AIFM2: variants seen among roughly 807,000 people sequenced by gnomAD.
AIFM2 encodes ferroptosis suppressor protein 1.
A neutral mutation model predicts 35.7 loss-of-function variants in AIFM2; 38 were observed. That is an observed-to-expected ratio of 1.06 (90% CI 0.82 to 1.39). The LOEUF is 1.39. Ranked by LOEUF, AIFM2 falls within the 40% of genes most tolerant of loss-of-function variation. The probability of loss-of-function intolerance (pLI) is 0.00; values close to 1 mark genes in which losing one functional copy is unlikely to be tolerated. For synonymous variants in AIFM2, 185 were observed against 203.5 expected (o/e 0.91, Z 0.77); for missense variants, 476 against 491.2 (o/e 0.97, Z 0.29).
chr10:70,118,058 A>G (rs955570218), intron 5 of AIFM2, 138 bp from the exon 6 acceptor site: 1 of 644,738 alleles, frequency 1.6e-6, no homozygotes, highest in African/African-American at 1.9e-5. Context: ...AATCTGTCCA[A>G]TGCCAGGACC....
At chr10:70,114,822 T>G in intron 8 of AIFM2, 98 bp downstream of exon 8, 1 of 1,381,418 alleles carries the variant, frequency 7.2e-7, no homozygotes, top group Non-Finnish European at 1.0e-6. Flanking sequence ...GCTTGGAGAG[T>G]TTGTTCTAGT....
Position 70,116,784 on chromosome 10 carries a change from G to A in AIFM2, c.617-10C>T. 1 of 1,613,300 alleles carries A rather than the reference G, an allele frequency of 6.2e-7. No individual in the cohort carries two copies. The highest frequency in any genetic ancestry group is 1.1e-5 in the South Asian group (1 of 91,064). The stretch of plus-strand genomic sequence containing the variant: ...TTGCTCACCCGCTCACCTAGAAGGG[G>A]GTTCATGACCAGGAGGCTGGTGGGG... On this transcript the variant is annotated splice_polypyrimidine_tract_variant and intron_variant, in intron 6 of 8. Coordinates refer to ENST00000307864, the MANE Select transcript of AIFM2 (RefSeq NM_032797.6).
chr10:70,118,338 C>G (rs183989457), intron 5 of AIFM2: 2 of 165,178 alleles, frequency 1.2e-5, no homozygotes. Flanking sequence ...CTGTCTGGGA[C>G]AACACAGGGA....
chr10:70,115,001 GA>G lies in AIFM2; in HGVS notation c.888del (p.Ala298ProfsTer16), dbSNP rs1442025666. 1.2e-6 allele frequency: 2 copies of G among 1,614,106 alleles called. No individual in the cohort carries two copies. The highest frequency in any genetic ancestry group is 4.5e-5 in the East Asian group (2 of 44,892). On this transcript the variant is annotated frameshift_variant, in exon 8 of 9. Transcript: ENST00000307864. LOFTEE classifies it high-confidence loss of function. Reference sequence around the variant, plus strand: ...GCGATGTTGGCGTGGAGGCCGGCAAGATAGGCCATCTTGGGCGTCCTCACGT... The same window carrying G: ...GCGATGTTGGCGTGGAGGCCGGCAAGTAGGCCATCTTGGGCGTCCTCACGT... ...CADVRTPKMA[Y>X]LAGLHANIAV...
At chr10:70,118,038 C>G (rs781236639) in intron 5 of AIFM2, 118 bp from the exon 6 acceptor site, 124 of 726,720 alleles carry the variant, frequency 1.7e-4, no homozygotes, top group Non-Finnish European at 2.7e-4. Flanking sequence ...AACTGAAGCT[C>G]CAGAGAAGTA....
rs1201939646 is a variant in AIFM2 at position 70,122,569 on chromosome 10, G to A, written c.294+836C>T. Among the ~76,000 whole-genome samples, 4 of 152,208 alleles carry A rather than the reference G, an allele frequency of 2.6e-5. No homozygotes were observed. In the East Asian group the frequency reaches 7.7e-4, roughly 29 times the overall value. On this transcript the variant is annotated intron_variant, in intron 3 of 8. Transcript: ENST00000307864. ...TCCATGATGCACATGTGAGGTGGGG[G>A]AACACACAAATGAGTGAAGGGAAAC...
At position 70,115,262 on chromosome 10, in the gene AIFM2, G is replaced by A. The variant is rs1014584534; in HGVS notation, c.770-142C>T. On this transcript the variant is annotated intron_variant, in intron 7 of 8. Transcript: ENST00000307864. The stretch of plus-strand genomic sequence containing the variant: ...CCTGAGGCATGACCACCCCCTGGAG[G>A]TGCCTGCTCTAGAGGCCACCCTCCC... 1.2e-5 allele frequency: 10 copies of A among 819,880 alleles called. No homozygotes were observed. The East Asian group carries it at 1.9e-4, about 15-fold the overall frequency. 50.8% of individuals were successfully genotyped at this position (819,880 alleles called of 1,614,324 possible).
At chr10:70,120,961 G>A (rs2072495679) in intron 4 of AIFM2, 131 bp downstream of exon 4, 1 of 1,449,556 alleles carries the variant, frequency 6.9e-7, no homozygotes, top group Admixed American at 2.3e-5. Flanking sequence ...TCTTCCTAGT[G>A]ACTCTCCAAC....
At chr10:70,120,956 C>G (rs890549177) in intron 4 of AIFM2, 136 bp downstream of exon 4, 1 of 1,426,066 alleles carries the variant, frequency 7.0e-7, no homozygotes, top group South Asian at 1.4e-5. Flanking sequence ...AAGTCTCTTC[C>G]TAGTGACTCT....
chr10:70,117,995 CCTCCA>C lies in AIFM2; in HGVS notation c.508-80_508-76del. On this transcript the variant is annotated intron_variant, in intron 5 of 8. Transcript: ENST00000307864. This position sits in a 1 kb window ranked among gnomAD's most constrained non-coding sequence, Gnocchi z 4.7. ...AACACAATCATTGCACGAACGTCCACCTCCACTCATACCTCCAGGTTACAGATGAG... is the reference window on the plus strand; with the variant it reads ...AACACAATCATTGCACGAACGTCCACCTCATACCTCCAGGTTACAGATGAG... 9.7e-7 allele frequency: 1 copy of C among 1,030,750 alleles called. No homozygotes were observed. The highest frequency in any genetic ancestry group is 1.5e-6 in the Non-Finnish European group (1 of 672,418). The allele number at this position is 1,030,750 out of a possible 1,614,324, so 63.9% of individuals were successfully genotyped here.
Position 70,119,207 on chromosome 10 carries a change from TATCCTTTAAAAC to T in AIFM2, c.507+1288_508-1288del, listed in dbSNP as rs1454242614. Reference sequence around the variant, plus strand: ...GCCCCTTCATCTGAATGTTCATTTTTATCCTTTAAAACATCCTTCGTCATAAATCAGCAACAG... The same window carrying T: ...GCCCCTTCATCTGAATGTTCATTTTTATCCTTCGTCATAAATCAGCAACAG... On this transcript the variant is annotated intron_variant, in intron 5 of 8. Coordinates refer to ENST00000307864, the MANE Select transcript of AIFM2 (RefSeq NM_032797.6). Among the ~76,000 whole-genome samples the T allele has an allele frequency of 2.0e-5, 3 of 152,360 alleles. No homozygotes were observed. In the South Asian group the frequency reaches 6.2e-4, roughly 32 times the overall value.
intron 1 of AIFM2, among the ~76,000 whole-genome samples, chr10:70,125,178 C>G (rs1009154954): frequency 1.3e-5 from 2 of 152,112 alleles, no homozygotes; most frequent in Non-Finnish European, 2.9e-5. Flanking sequence ...ATTACCTAGT[C>G]TGTAGTATTC....
At chr10:70,116,865 G>A in intron 6 of AIFM2, 91 bp from the exon 7 acceptor site, 1 of 1,525,110 alleles carries the variant, frequency 6.6e-7, no homozygotes, top group Non-Finnish European at 8.9e-7. Context: ...GGGAGGGCCT[G>A]GACCTCTGGG....
In AIFM2 at chr10:70,120,586, C is replaced by T. The variant is rs755322586; in HGVS notation, c.428G>A (p.Arg143Gln). 42 of 1,613,982 alleles carry T rather than the reference C, an allele frequency of 2.6e-5. No homozygotes were observed. The East Asian group carries it at 3.1e-4, about 12-fold the overall frequency. Reference protein sequence around the residue: ...EDMVRQVQRSRFIVVVGGGSA... With the variant: ...EDMVRQVQRSQFIVVVGGGSA... Reference sequence around the variant, plus strand: ...GCCTCCTCCCACCACCACGATGAACCGTGAGCGCTGGACCTGGAGAAGAGG... The same window carrying T: ...GCCTCCTCCCACCACCACGATGAACTGTGAGCGCTGGACCTGGAGAAGAGG... The change falls in exon 5 of 9, where the codon CGG (arginine) becomes CAG (glutamine). Residue 143 changes from arginine (R) to glutamine (Q), a missense_variant. Arg to Gln is a conservative substitution (Grantham distance 43). Transcript: ENST00000307864.
In AIFM2 at chr10:70,124,033, C is replaced by T. The variant is rs1383274224; in HGVS notation, c.52G>A (p.Gly18Ser). The part of the protein sequence containing the change: ...ESGALHVVIV[G>S]GGFGGIAAAS... ...GCTGCGATCCCGCCAAAGCCCCCAC[C>T]CACAATCACCACGTGCAGAGCTCCC... The change falls in exon 2 of 9, where the codon GGT (glycine) becomes AGT (serine). Residue 18 changes from glycine (G) to serine (S), a missense_variant. Gly to Ser is a moderately conservative substitution (Grantham distance 56, BLOSUM62 0). Transcript: ENST00000307864. The T allele has an allele frequency of 2.5e-6, 4 of 1,610,742 alleles. No homozygotes were observed. Among genetic ancestry groups the T allele is most frequent in the East Asian group, 2.2e-5 (1 of 44,750 alleles).
In AIFM2 at chr10:70,121,211, C is replaced by T. The variant is rs2072500561; in HGVS notation, c.295G>A (p.Ala99Thr). ...AGGATAAGATGAGAGAAGGGCAGGG[C>T]CTGAGAGAAACCAAAAAAAAAAAAA... ...NQMVLLQGGE[A>T]LPFSHLILAT... Residue 99 changes from alanine (A) to threonine (T), a missense_variant and splice_region_variant, in exon 4 of 9, where the codon GCC becomes ACC. Ala to Thr is a moderately conservative substitution (Grantham distance 58). Coordinates refer to ENST00000307864, the MANE Select transcript of AIFM2 (RefSeq NM_032797.6). 2 of 485,538 alleles carry T rather than the reference C, an allele frequency of 4.1e-6. No individual in the cohort carries two copies. The highest frequency in any genetic ancestry group is 1.7e-5 in the South Asian group (1 of 59,474). 30.1% of individuals were successfully genotyped at this position (485,538 alleles called of 1,614,324 possible).
chr10:70,114,521 C>T (rs1315493198), intron 8 of AIFM2, among the ~76,000 whole-genome samples, 192 bp from the exon 9 acceptor site: 2 of 152,036 alleles, frequency 1.3e-5, no homozygotes, highest in Admixed American at 6.5e-5. Flanking sequence ...GTTGCCCAGG[C>T]TGGAGTGCAA....
chr10:70,117,000 A>G (rs1426782759), intron 6 of AIFM2, among the ~76,000 whole-genome samples: 2 of 152,216 alleles, frequency 1.3e-5, no homozygotes, highest in African/African-American at 4.8e-5. Context: ...AGTTCCAAGA[A>G]GCCCCTGGAG....
chr10:70,128,961 C>A (rs2072598630), intron 1 of AIFM2, among the ~76,000 whole-genome samples: 1 of 152,034 alleles, frequency 6.6e-6, no homozygotes, highest in Non-Finnish European at 1.5e-5. Context: ...CAATGTGAGA[C>A]CCTGTCTCAA....
Sources: gnomAD v4.1 joint callset for allele counts (sites outside exome capture counted in the v4.1 genomes callset) on GRCh38, gnomAD v4.1.1 for gene constraint, Gnocchi (gnomAD v3.1) non-coding constraint, MANE v1.5 for transcripts, NCBI Gene and HGNC (gene_info 2026-07-23, HGNC 2026-07-21) for gene names.